Variants in RAD17 observed in about 807,000 individuals in gnomAD.
RAD17 encodes the protein RAD17 checkpoint clamp loader component.
Under a neutral mutation model 81.5 loss-of-function variants are expected in RAD17, and 31 were observed. The ratio of observed to expected loss-of-function variants is 0.38; its 90% CI spans 0.29 to 0.51. The LOEUF (loss-of-function observed/expected upper bound fraction) is 0.51, where lower values mean the gene tolerates loss of function less well. Among genes scored for constraint, RAD17 ranks in the 20% least tolerant of loss-of-function variants. The pLI, the probability that RAD17 is intolerant of heterozygous loss-of-function variation, is 0.88. For synonymous variants in RAD17, 261 were observed against 266.2 expected (o/e 0.98, Z 0.19); for missense variants, 681 against 781.2 (o/e 0.87, Z 1.53).
rs1284487463 is a variant in RAD17, at chr5:69,377,474, TACACACACACAC to T, written c.351+2765_351+2776del. On this transcript the variant is annotated intron_variant, in intron 6 of 18. Coordinates refer to ENST00000354868, the MANE Select transcript of RAD17 (RefSeq NM_133338.3). ...ATATATATATATATATATATATATATACACACACACACATATATATACGTATATATATGTATA... is the reference window on the plus strand; with the variant it reads ...ATATATATATATATATATATATATATATATATATACGTATATATATGTATA... 0.023 allele frequency among the ~76,000 whole-genome samples: 237 copies of T among 10,112 alleles called. 18 individuals carry two copies. The East Asian group carries it at 0.26, about 11-fold the overall frequency. The allele number at this position is 10,112 out of a possible 152,430, so 6.6% of individuals were successfully genotyped here.
chr5:69,408,112 G>A (rs1765743302), intron 17 of RAD17, among the ~76,000 whole-genome samples: 1 of 152,070 alleles, frequency 6.6e-6, no homozygotes, highest in Non-Finnish European at 1.5e-5. Context: ...TTTAATGTGT[G>A]AGCCCTCGCA....
chr5:69,370,036 C>G (rs757505933), intron 1 of RAD17, 103 bp downstream of exon 1: 2 of 351,356 alleles, frequency 5.7e-6, no homozygotes, highest in Non-Finnish European at 1.0e-5. Flanking sequence ...CTCCTCCCGA[C>G]CCGCCCATCC....
At chr5:69,412,410 A>G (rs1306962407) in intron 18 of RAD17, among the ~76,000 whole-genome samples, 1 of 152,062 alleles carries the variant, frequency 6.6e-6, no homozygotes, top group Non-Finnish European at 1.5e-5. Context: ...CTGTAATTCA[A>G]CCTACACGTT....
intron 1 of RAD17, chr5:69,370,774 G>C (rs1360707981): frequency 6.3e-6 from 1 of 158,950 alleles, no homozygotes; most frequent in African/African-American, 2.4e-5. Context: ...TGAACAATGT[G>C]TTTTCTAGTG....
intron 18 of RAD17, among the ~76,000 whole-genome samples, chr5:69,411,619 C>G (rs1436877478): frequency 1.3e-5 from 2 of 152,100 alleles, no homozygotes; most frequent in African/African-American, 4.8e-5. Flanking sequence ...ACTGGCTTAG[C>G]TATGTGGGGC....
intron 7 of RAD17, 73 bp from the exon 8 acceptor site, chr5:69,384,724 G>A (rs1764069684): frequency 7.5e-7 from 1 of 1,341,236 alleles, no homozygotes; most frequent in African/African-American, 1.5e-5. Context: ...GTATGTGTGT[G>A]TGTACATACA....
intron 4 of RAD17, 25 bp downstream of exon 4, chr5:69,372,242 A>G (rs779080535): frequency 3.9e-6 from 6 of 1,550,670 alleles, no homozygotes; most frequent in African/African-American, 2.7e-5. Flanking sequence ...AATTTTTTCC[A>G]GTGGTCTTCC....
At chr5:69,377,459 A>ACACACACACACATATATACG (rs1763437491) in intron 6 of RAD17, among the ~76,000 whole-genome samples, 2 of 5,274 alleles carry the variant, frequency 3.8e-4, no homozygotes, top group Non-Finnish European at 2.7e-3. Context: ...ATATATATAT[A>ACACACACACACATATATACG]TATATATATA....
At chr5:69,374,778 G>C in intron 6 of RAD17, 67 bp downstream of exon 6, 1 of 1,307,154 alleles carries the variant, frequency 7.7e-7, no homozygotes, top group Non-Finnish European at 1.1e-6. Flanking sequence ...TGTGTTGTTA[G>C]AAGTTAAAGT....
At chr5:69,373,589 C>A (rs1360351960) in intron 4 of RAD17, among the ~76,000 whole-genome samples, 2 of 151,514 alleles carry the variant, frequency 1.3e-5, no homozygotes, top group Non-Finnish European at 2.9e-5. Context: ...CCTGTAGTCC[C>A]AGTTACTCAA....
chr5:69,369,438 G>C (rs1169320718), upstream of RAD17: 1 of 1,608,814 alleles, frequency 6.2e-7, no homozygotes, highest in African/African-American at 1.3e-5. Context: ...CCCCAGCCCA[G>C]TCCCTCCCGG....
intron 6 of RAD17, among the ~76,000 whole-genome samples, chr5:69,375,243 T>C (rs1006628422): frequency 2.0e-5 from 3 of 152,226 alleles, no homozygotes; most frequent in Non-Finnish European, 4.4e-5. Context: ...TTATGTCTTA[T>C]TGTTAGCATA....
At chr5:69,370,707 C>A (rs1762907809) in intron 1 of RAD17, 1 of 153,484 alleles carries the variant, frequency 6.5e-6, no homozygotes, top group Non-Finnish European at 1.4e-5. Flanking sequence ...TTTTTTCCAC[C>A]TGTATACCTT....
chr5:69,383,038 C>T lies in RAD17; in HGVS notation c.508+981C>T, dbSNP rs573315121. On this transcript the variant is annotated intron_variant, in intron 7 of 18. Coordinates refer to ENST00000354868, the MANE Select transcript of RAD17 (RefSeq NM_133338.3). Reference sequence around the variant, plus strand: ...GCCTCAAGTGATCCACCTGCCTCTGCCTCCCAAAGTGCTGGGATTATAGGC... The same window carrying T: ...GCCTCAAGTGATCCACCTGCCTCTGTCTCCCAAAGTGCTGGGATTATAGGC... Among the ~76,000 whole-genome samples, 225 of 152,244 alleles carry T rather than the reference C, an allele frequency of 1.5e-3. 2 individuals are homozygous for T. The Middle Eastern group carries it at 0.017, about 12-fold the overall frequency.
intron 11 of RAD17, among the ~76,000 whole-genome samples, chr5:69,387,125 G>A (rs979763893): frequency 5.3e-5 from 8 of 151,808 alleles, no homozygotes; most frequent in African/African-American, 1.9e-4. Context: ...GGGTCTCTCT[G>A]TGTTGCCCAG....
At chr5:69,369,620 G>T (rs1391230122), upstream of RAD17, 2 of 1,572,470 alleles carry the variant, frequency 1.3e-6, no homozygotes, top group Non-Finnish European at 1.7e-6. Context: ...GGCGCCCCTA[G>T]CCTGCCCCGG....
intron 17 of RAD17, among the ~76,000 whole-genome samples, chr5:69,405,237 C>T (rs1765517141): frequency 6.6e-6 from 1 of 152,098 alleles, no homozygotes; most frequent in African/African-American, 2.4e-5. Flanking sequence ...GGCGCAGTGG[C>T]TCACGCCTGT....
intron 8 of RAD17, among the ~76,000 whole-genome samples, chr5:69,385,228 G>A (rs992832940): frequency 4.0e-5 from 6 of 151,008 alleles, no homozygotes; most frequent in African/African-American, 7.3e-5. Context: ...CCAAAGTGCT[G>A]GGATTACAGG....
chr5:69,396,925 C>T (rs919767452), intron 16 of RAD17, among the ~76,000 whole-genome samples: 6 of 151,840 alleles, frequency 4.0e-5, no homozygotes, highest in Admixed American at 1.3e-4. Context: ...CTCCGCCTCC[C>T]GGGTTCAAGC....
Sources: allele counts gnomAD v4.1 joint callset (sites outside exome capture counted in the v4.1 genomes callset), GRCh38; gene constraint gnomAD v4.1.1; transcripts MANE v1.5; gene names NCBI Gene and HGNC (gene_info 2026-07-23, HGNC 2026-07-21).